TPD52L2: variants seen among roughly 807,000 people sequenced by gnomAD.
TPD52L2 encodes TPD52 like 2.
Under a neutral mutation model 24.7 loss-of-function variants are expected in TPD52L2, and 19 were observed. That is an observed-to-expected ratio of 0.77 (90% CI 0.54 to 1.13). The LOEUF (loss-of-function observed/expected upper bound fraction) is 1.13, where lower values mean the gene tolerates loss of function less well. Among genes scored for constraint, TPD52L2 ranks in the 50% most tolerant of loss-of-function variants. The pLI, the probability that TPD52L2 is intolerant of heterozygous loss-of-function variation, is 0.00. For synonymous variants in TPD52L2, 104 were observed against 100.2 expected (o/e 1.04, Z -0.23); for missense variants, 236 against 250.4 (o/e 0.94, Z 0.39).
rs947972871 is a variant in TPD52L2 at position 63,877,910 on chromosome 20, G to A, written c.374+2035G>A. ...TGCCGGGACGGCCCAGGCCGAGGGC[G>A]ATGGTTTCTGGTGGGAAGGCCCAGG... On this transcript the variant is annotated intron_variant, in intron 4 of 6. Transcript: ENST00000346249. This position sits in a 1 kb window ranked among gnomAD's most constrained non-coding sequence, Gnocchi z 4.1. Among the ~76,000 whole-genome samples, 4 of 152,192 alleles carry A rather than the reference G, an allele frequency of 2.6e-5. No homozygotes were observed. The highest frequency in any genetic ancestry group is 9.6e-5 in the African/African-American group (4 of 41,454).
At chr20:63,881,455 C>G (rs1365431299) in intron 4 of TPD52L2, among the ~76,000 whole-genome samples, 1 of 152,102 alleles carries the variant, frequency 6.6e-6, no homozygotes, top group Non-Finnish European at 1.5e-5. Context: ...CCAGGGCACA[C>G]TTGGTGGGTC....
At chr20:63,870,890 G>A (rs964819287) in intron 2 of TPD52L2, among the ~76,000 whole-genome samples, 7 of 151,712 alleles carry the variant, frequency 4.6e-5, no homozygotes, top group African/African-American at 1.5e-4. Flanking sequence ...TCTAATTTTC[G>A]TATTTTTAGT....
chr20:63,887,176 A>G (rs1212177511), intron 5 of TPD52L2: 1 of 341,744 alleles, frequency 2.9e-6, no homozygotes, highest in Non-Finnish European at 5.6e-6. Flanking sequence ...GTCTAGAGCC[A>G]GGCCCAGAAC....
chr20:63,881,765 C>A (rs977216253), intron 4 of TPD52L2, among the ~76,000 whole-genome samples: 4 of 152,164 alleles, frequency 2.6e-5, no homozygotes, highest in African/African-American at 7.2e-5. Context: ...GAGGGAGGAG[C>A]CGTGATAAGG....
chr20:63,888,602 A>G (rs1277624179), intron 5 of TPD52L2: 5 of 125,896 alleles, frequency 4.0e-5, no homozygotes, highest in African/African-American at 6.3e-5. Flanking sequence ...CAGCCCCCCA[A>G]CTGCGCAGAC....
intron 2 of TPD52L2, among the ~76,000 whole-genome samples, chr20:63,873,379 C>T (rs1202019411): frequency 6.6e-6 from 1 of 151,482 alleles, no homozygotes; most frequent in Non-Finnish European, 1.5e-5. Context: ...ATCCCAGCTA[C>T]TTGGGAGGCT....
At chr20:63,887,574 A>G in intron 5 of TPD52L2, 4 of 1,613,080 alleles carry the variant, frequency 2.5e-6, no homozygotes, top group South Asian at 1.1e-5. Flanking sequence ...CAGCTACTCC[A>G]TCCGCCACTC....
intron 5 of TPD52L2, 45 bp downstream of exon 5, chr20:63,882,865 G>A (rs1253038436): frequency 6.8e-7 from 1 of 1,476,784 alleles, no homozygotes; most frequent in Admixed American, 1.9e-5. Flanking sequence ...CTGGCCAGGA[G>A]TGAGGTGAGG....
intron 5 of TPD52L2, chr20:63,886,133 T>A: frequency 1.5e-6 from 2 of 1,308,048 alleles, no homozygotes; most frequent in Non-Finnish European, 2.2e-6. Context: ...GCTGTGCTAG[T>A]AGAGGGCAGT....
intron 5 of TPD52L2, chr20:63,887,651 G>C (rs376139579): frequency 6.3e-7 from 1 of 1,599,360 alleles, no homozygotes; most frequent in African/African-American, 1.3e-5. Flanking sequence ...GGTGTCTCTG[G>C]TGGGGGTTGG....
At chr20:63,866,453 T>TTTTG in intron 1 of TPD52L2, among the ~76,000 whole-genome samples, 1 of 151,142 alleles carries the variant, frequency 6.6e-6, no homozygotes, top group Non-Finnish European at 1.5e-5. Context: ...GGAGGGTGTT[T>TTTTG]TTTGTTTGTT....
rs111769390 is a variant in TPD52L2 at position 63,881,727 on chromosome 20, A to G, written c.375-992A>G. ...AAGATGGTCCTGGGAGCCCATCTCC[A>G]TTCAGCCTCGAGTTCCCTGGCTTCA... On this transcript the variant is annotated intron_variant, in intron 4 of 6. Transcript: ENST00000346249. 1.8e-3 allele frequency among the ~76,000 whole-genome samples: 279 copies of G among 152,330 alleles called. 1 individual carries two copies. The highest frequency in any genetic ancestry group is 6.8e-3 in the Middle Eastern group (2 of 294).
intron 1 of TPD52L2, 39 bp downstream of exon 1, chr20:63,865,423 C>A: frequency 6.6e-7 from 1 of 1,512,890 alleles, no homozygotes; most frequent in African/African-American, 1.4e-5. Flanking sequence ...CAGATGGGCC[C>A]AGGCTGCCCG....
rs574565438 is a variant in TPD52L2, at chr20:63,871,104, G to A, written c.165+1663G>A. Among the ~76,000 whole-genome samples the A allele has an allele frequency of 5.9e-5, 9 of 152,148 alleles. No individual in the cohort carries two copies. In the South Asian group the frequency reaches 1.0e-3, roughly 18 times the overall value. On this transcript the variant is annotated intron_variant, in intron 2 of 6. Coordinates refer to ENST00000346249, the MANE Select transcript of TPD52L2 (RefSeq NM_003288.4). ...GTCGCCCAGGCTAGAGTGCAGTGGC[G>A]TGATCTCAGCTCACTGGAGCCTCTG...
chr20:63,877,684 A>C lies in TPD52L2; in HGVS notation c.374+1809A>C, dbSNP rs893671735. 6.6e-6 allele frequency among the ~76,000 whole-genome samples: 1 copy of C among 152,240 alleles called. No homozygotes were observed. The highest frequency in any genetic ancestry group is 1.5e-5 in the Non-Finnish European group (1 of 68,040). ...AAGCTGCCGGGATCCTATTTCAAATAAATAGTGTTTTAGAGAGCTTATTAC... is the reference window on the plus strand; with the variant it reads ...AAGCTGCCGGGATCCTATTTCAAATCAATAGTGTTTTAGAGAGCTTATTAC... On this transcript the variant is annotated intron_variant, in intron 4 of 6. Coordinates refer to ENST00000346249, the MANE Select transcript of TPD52L2 (RefSeq NM_003288.4). The surrounding 1 kb of genome is among the most constrained non-coding windows in gnomAD (Gnocchi z 4.1).
At chr20:63,887,336 C>A (rs3795155) in intron 5 of TPD52L2, 71 of 644,644 alleles carry the variant, frequency 1.1e-4, no homozygotes, top group African/African-American at 5.2e-4. Context: ...TGCTCTCCCC[C>A]CTCCCAGTGC....
chr20:63,880,826 G>C (rs2146220733), intron 4 of TPD52L2, among the ~76,000 whole-genome samples: 1 of 151,584 alleles, frequency 6.6e-6, no homozygotes, highest in South Asian at 2.1e-4. Flanking sequence ...GTGAGGCAGA[G>C]CTTGCAGTGA....
chr20:63,865,479 C>A (rs967701681), intron 1 of TPD52L2, 95 bp downstream of exon 1: 5 of 1,451,168 alleles, frequency 3.4e-6, no homozygotes, highest in African/African-American at 1.5e-5. Context: ...TCTGTCCTCT[C>A]GGTCTCGGTT....
chr20:63,884,181 C>G (rs1411503432), intron 5 of TPD52L2, among the ~76,000 whole-genome samples: 1 of 152,188 alleles, frequency 6.6e-6, no homozygotes, highest in African/African-American at 2.4e-5. Flanking sequence ...TCCACACTCC[C>G]CAGCAGCTGT....
Sources: allele counts gnomAD v4.1 joint callset (sites outside exome capture counted in the v4.1 genomes callset), GRCh38; gene constraint gnomAD v4.1.1; non-coding constraint Gnocchi (gnomAD v3.1); transcripts MANE v1.5; gene names NCBI Gene and HGNC (gene_info 2026-07-23, HGNC 2026-07-21).